The following TDRD3 variants were observed in gnomAD, a reference collection of about 807,000 sequenced individuals.
TDRD3 encodes tudor domain-containing protein 3.
TDRD3 carries 45 observed loss-of-function variants against 86.7 expected under a neutral mutation model. The observed-to-expected ratio is 0.52, with a 90% CI of 0.41 to 0.67. The LOEUF (loss-of-function observed/expected upper bound fraction) is 0.67. TDRD3 is among the 30% of genes least tolerant of loss of function. TDRD3 has a pLI of 0.00. For missense variants in TDRD3, 814 were observed against 889.0 expected (o/e 0.92, Z 1.07); for synonymous variants, 298 against 301.7 (o/e 0.99, Z 0.13).
intron 12 of TDRD3, among the ~76,000 whole-genome samples, chr13:60,558,397 T>A (rs1375867951): frequency 6.6e-6 from 1 of 152,188 alleles, no homozygotes; most frequent in Non-Finnish European, 1.5e-5. Context: ...CATAAAATAT[T>A]CTAAAACATA....
intron 7 of TDRD3, among the ~76,000 whole-genome samples, chr13:60,494,034 C>T (rs1381427999): frequency 6.6e-6 from 1 of 152,164 alleles, no homozygotes; most frequent in Non-Finnish European, 1.5e-5. Flanking sequence ...GAACTATGGA[C>T]ATAATTTTAA....
intron 3 of TDRD3, among the ~76,000 whole-genome samples, chr13:60,456,305 A>T (rs1488607927): frequency 6.6e-6 from 1 of 152,188 alleles, no homozygotes; most frequent in East Asian, 1.9e-4. Context: ...CTGATATTTC[A>T]TATCCGTTGG....
rs530464106 is a variant in TDRD3 at position 60,453,236 on chromosome 13, A to G, written c.193-7144A>G. On this transcript the variant is annotated intron_variant, in intron 3 of 13. Coordinates refer to ENST00000377881, the MANE Select transcript of TDRD3 (RefSeq NM_001146070.2). ...AAATGGGAAGAACTTACTGAAGGGT[A>G]ACATACATAAAATGGGGACTAATAG... 6.6e-5 allele frequency among the ~76,000 whole-genome samples: 10 copies of G among 152,304 alleles called. No homozygotes were observed. The South Asian group carries it at 2.1e-3, about 32-fold the overall frequency.
intron 1 of TDRD3, among the ~76,000 whole-genome samples, chr13:60,411,005 T>C (rs1214384954): frequency 6.6e-6 from 1 of 152,204 alleles, no homozygotes; most frequent in East Asian, 1.9e-4. Flanking sequence ...TACAGTACCA[T>C]GAAATTTCAG....
rs1430765723 is a variant in TDRD3 at position 60,528,486 on chromosome 13, C to T, written c.1261C>T (p.Pro421Ser). The T allele has an allele frequency of 6.2e-7, 1 of 1,613,802 alleles. No homozygotes were observed. The part of the protein sequence containing the change: ...RHPPRNDTRQ[P>S]RNEKPPRFQR... ...TCCTCCTCGAAATGATACCAGGCAG[C>T]CAAGAAATGAAAAACCGCCTCGTTT... is the stretch of plus-strand genomic sequence containing the variant. The change falls in exon 11 of 14, where the codon CCA becomes TCA. Residue 421 changes from proline to serine, a missense_variant. Coordinates refer to ENST00000377881, the MANE Select transcript of TDRD3 (RefSeq NM_001146070.2).
chr13:60,493,839 A>G (rs1956656857), intron 7 of TDRD3, among the ~76,000 whole-genome samples: 1 of 152,222 alleles, frequency 6.6e-6, no homozygotes, highest in Admixed American at 6.5e-5. Flanking sequence ...CAAATTTTCA[A>G]ATTTAATGTC....
chr13:60,568,989 GAC>G (rs1958524743), intron 13 of TDRD3, among the ~76,000 whole-genome samples: 1 of 151,620 alleles, frequency 6.6e-6, no homozygotes, highest in South Asian at 2.1e-4. Flanking sequence ...TCTTTTTTGA[GAC>G]AGAGTCTGGC....
intron 6 of TDRD3, 151 bp from the exon 7 acceptor site, chr13:60,485,648 A>T: frequency 1.8e-6 from 1 of 561,148 alleles, no homozygotes; most frequent in Non-Finnish European, 2.7e-6. Flanking sequence ...TTCTACTTTT[A>T]CTTTTAAATA....
At chr13:60,459,689 C>T (rs190292426) in intron 3 of TDRD3, among the ~76,000 whole-genome samples, 3 of 152,318 alleles carry the variant, frequency 2.0e-5, no homozygotes, top group Admixed American at 1.3e-4. Context: ...GGCTTGATCT[C>T]GGCTCACTGC....
intron 12 of TDRD3, among the ~76,000 whole-genome samples, chr13:60,559,645 G>A (rs1958286237): frequency 1.3e-5 from 2 of 152,138 alleles, no homozygotes; most frequent in South Asian, 4.1e-4. Context: ...GACACAGAAA[G>A]ACAAACACTA....
rs184322823 is a variant in TDRD3, at chr13:60,559,577, C to G, written c.2119-7948C>G. 3.3e-5 allele frequency among the ~76,000 whole-genome samples: 5 copies of G among 152,198 alleles called. No homozygotes were observed. In the East Asian group the frequency reaches 9.6e-4, roughly 29 times the overall value. Reference sequence around the variant, plus strand: ...TAGTAGCTTCATGGCTGAAGCCATCCGTTTAGTTAAAATTAACCATAGAAC... The same window carrying G: ...TAGTAGCTTCATGGCTGAAGCCATCGGTTTAGTTAAAATTAACCATAGAAC... On this transcript the variant is annotated intron_variant, in intron 12 of 13. Transcript: ENST00000377881.
intron 13 of TDRD3, among the ~76,000 whole-genome samples, chr13:60,569,887 GATTCCTACTCTCATCATAAGC>G (rs755388778): frequency 2.0e-5 from 3 of 152,150 alleles, no homozygotes; most frequent in Non-Finnish European, 4.4e-5. Flanking sequence ...AATGAAACTA[GATTCCTACTCTCATCATAAGC>G]AAAAATCAAA....
In TDRD3 at chr13:60,529,071, G is replaced by A; in HGVS notation, c.1846G>A (p.Asp616Asn). 1 of 1,613,998 alleles carries A rather than the reference G, an allele frequency of 6.2e-7. No individual in the cohort carries two copies. Among genetic ancestry groups the A allele is most frequent in the South Asian group, 1.1e-5 (1 of 91,066 alleles). Residue 616 changes from aspartate to asparagine, a missense_variant, in exon 11 of 14, where the codon GAT becomes AAT. Asp to Asn is a conservative substitution (Grantham distance 23). Coordinates refer to ENST00000377881, the MANE Select transcript of TDRD3 (RefSeq NM_001146070.2). ...AGPVTAVPCD[D>N]KIFYNSGPKR... ...ACCTGTCACAGCTGTACCCTGTGAT[G>A]ATAAAATATTTTACAATAGTGGGCC...
At chr13:60,540,036 A>T (rs1595090682) in intron 12 of TDRD3, among the ~76,000 whole-genome samples, 2 of 152,140 alleles carry the variant, frequency 1.3e-5, no homozygotes, top group East Asian at 3.9e-4. Context: ...TATTTAGTAA[A>T]CAATACAAGC....
chr13:60,498,961 G>A (rs1956775102), intron 8 of TDRD3, among the ~76,000 whole-genome samples: 1 of 152,096 alleles, frequency 6.6e-6, no homozygotes, highest in African/African-American at 2.4e-5. Context: ...GACTCATCCT[G>A]TGGTCATTTC....
At chr13:60,499,432 G>T (rs573182535) in intron 8 of TDRD3, among the ~76,000 whole-genome samples, 10 of 152,346 alleles carry the variant, frequency 6.6e-5, no homozygotes, top group Non-Finnish European at 1.3e-4. Flanking sequence ...GAAGCAATTT[G>T]CCTTCAGCTG....
chr13:60,452,164 C>T (rs1337861813), intron 3 of TDRD3, among the ~76,000 whole-genome samples: 1 of 152,092 alleles, frequency 6.6e-6, no homozygotes, highest in Non-Finnish European at 1.5e-5. Flanking sequence ...TCCAGCACAA[C>T]CCTGGGTATA....
chr13:60,492,983 A>G (rs1231523230), intron 7 of TDRD3, among the ~76,000 whole-genome samples: 1 of 137,258 alleles, frequency 7.3e-6, no homozygotes, highest in African/African-American at 2.7e-5. Flanking sequence ...CAGTGGCGCG[A>G]TCTCGGCTCA....
At position 60,520,648 on chromosome 13, in the gene TDRD3, C is replaced by G. The variant is rs374127090; in HGVS notation, c.1142-7719C>G. 1.8e-4 allele frequency among the ~76,000 whole-genome samples: 27 copies of G among 152,224 alleles called. No homozygotes were observed. The South Asian group carries it at 5.6e-3, about 32-fold the overall frequency. On this transcript the variant is annotated intron_variant, in intron 10 of 13. Transcript: ENST00000377881. Reference sequence around the variant, plus strand: ...TTACCTATTTGTTGTCTGCCTCTGCCCATTATAACTAAGCTCCACAGGATA... The same window carrying G: ...TTACCTATTTGTTGTCTGCCTCTGCGCATTATAACTAAGCTCCACAGGATA...
Sources: gnomAD v4.1 joint callset for allele counts (sites outside exome capture counted in the v4.1 genomes callset) on GRCh38, gnomAD v4.1.1 for gene constraint, MANE v1.5 for transcripts, NCBI Gene and HGNC (gene_info 2026-07-23, HGNC 2026-07-21) for gene names.